INPP5B: variants seen among roughly 807,000 people sequenced by gnomAD.
INPP5B encodes the protein inositol polyphosphate-5-phosphatase B, also known as type II inositol 1,4,5-trisphosphate 5-phosphatase.
A neutral mutation model predicts 118.5 loss-of-function variants in INPP5B; 90 were observed. That is an observed-to-expected ratio of 0.76 (90% CI 0.64 to 0.90). INPP5B has a LOEUF of 0.90. INPP5B is among the 40% of genes least tolerant of loss of function. The pLI, the probability that INPP5B is intolerant of heterozygous loss-of-function variation, is 0.00. For synonymous variants in INPP5B, 385 were observed against 418.9 expected (o/e 0.92, Z 0.99); for missense variants, 984 against 1,125.6 (o/e 0.87, Z 1.80).
chr1:37,926,745 G>C (rs1408388699), intron 7 of INPP5B, among the ~76,000 whole-genome samples: 3 of 152,166 alleles, frequency 2.0e-5, no homozygotes, highest in Admixed American at 1.3e-4. Context: ...TCCAGGTTTT[G>C]CATGTACCCA....
intron 7 of INPP5B, among the ~76,000 whole-genome samples, chr1:37,920,081 A>C (rs1645002432): frequency 6.6e-6 from 1 of 152,186 alleles, no homozygotes; most frequent in Non-Finnish European, 1.5e-5. Flanking sequence ...CACGTTACAG[A>C]CCAGGAGATA....
chr1:37,897,002 C>T (rs1159802302), intron 7 of INPP5B, among the ~76,000 whole-genome samples: 5 of 139,666 alleles, frequency 3.6e-5, no homozygotes, highest in African/African-American at 1.3e-4. Flanking sequence ...GCCCCCCGCC[C>T]GGCCAGCCGC....
rs765375785 is a variant in INPP5B, at chr1:37,931,719, G to A, written c.532+194C>T. On this transcript the variant is annotated intron_variant, in intron 7 of 23. Transcript: ENST00000373024. Reference sequence around the variant, plus strand: ...AGCCGGCGGCGGCAGACATTTCCCTGCCTGCTTCCTCAAGCTCCTCATCCC... The same window carrying A: ...AGCCGGCGGCGGCAGACATTTCCCTACCTGCTTCCTCAAGCTCCTCATCCC... 7.7e-6 allele frequency: 12 copies of A among 1,558,722 alleles called. No homozygotes were observed. In the South Asian group the frequency reaches 1.0e-4, roughly 13 times the overall value.
intron 6 of INPP5B, among the ~76,000 whole-genome samples, chr1:37,932,506 C>G (rs1404243582): frequency 5.9e-5 from 9 of 151,790 alleles, no homozygotes; most frequent in Non-Finnish European, 1.0e-4. Context: ...GTAGCTGGGA[C>G]TACAGGCACG....
chr1:37,876,588 G>A lies in INPP5B; in HGVS notation c.1678-872C>T, dbSNP rs61570683. On this transcript the variant is annotated intron_variant, in intron 16 of 23. Coordinates refer to ENST00000373024, the MANE Select transcript of INPP5B (RefSeq NM_005540.3). ...AAAAAAAAAAAAAAAAAAAGGGCCC[G>A]GTGGCTCACGCCAGTAATCCCAGCA... Among the ~76,000 whole-genome samples the A allele has an allele frequency of 4.8e-3, 691 of 143,148 alleles. 4 individuals are homozygous for A. The highest frequency in any genetic ancestry group is 0.017 in the African/African-American group (643 of 38,752). The allele number at this position is 143,148 out of a possible 152,430, so 93.9% of individuals were successfully genotyped here. A position where few individuals can be genotyped will look rare whatever the true frequency, so the allele number is the denominator to read the frequency against.
At position 37,864,335 on chromosome 1, in the gene INPP5B, T is replaced by C. The variant is rs563265490; in HGVS notation, c.2603A>G (p.Asn868Ser). The C allele has an allele frequency of 3.4e-5, 54 of 1,608,020 alleles. No homozygotes were observed. The East Asian group carries it at 1.1e-3, about 33-fold the overall frequency. The part of the protein sequence containing the change: ...LRELLKNSAK[N>S]HLDENILASI... The stretch of plus-strand genomic sequence containing the variant: ...ACCTAGAATATTCTCATCCAAATGA[T>C]TTTTTGCTGAATTTTTCAGCAGTTC... The change falls in exon 23 of 24, where the codon AAT becomes AGT. Residue 868 changes from asparagine (N) to serine (S), a missense_variant. Transcript: ENST00000373024.
At chr1:37,940,381 A>G (rs1439318105) in intron 6 of INPP5B, among the ~76,000 whole-genome samples, 1 of 152,144 alleles carries the variant, frequency 6.6e-6, no homozygotes, top group Non-Finnish European at 1.5e-5. Flanking sequence ...GGCCGCTTGA[A>G]GCTGCTTAGT....
Position 37,862,055 on chromosome 1 carries a change from A to C in INPP5B, c.*260T>G. ...CGTCTCAAAATAAAAAAAAATAAAA[A>C]ATAAAAAAATCTGTGTTAAATAACT... On this transcript the variant is annotated 3_prime_UTR_variant, in exon 24 of 24. Transcript: ENST00000373024. 2.7e-6 allele frequency: 1 copy of C among 375,358 alleles called. No homozygotes were observed. Among genetic ancestry groups the C allele is most frequent in the Admixed American group, 4.3e-5 (1 of 23,214 alleles). The allele number at this position is 375,358 out of a possible 1,614,324, so 23.3% of individuals were successfully genotyped here. A position where few individuals can be genotyped will look rare whatever the true frequency, so the allele number is the denominator to read the frequency against.
intron 18 of INPP5B, 58 bp from the exon 19 acceptor site, chr1:37,873,223 A>G: frequency 8.2e-7 from 1 of 1,213,360 alleles, no homozygotes; most frequent in South Asian, 1.2e-5. Context: ...GAAAGGGGAA[A>G]GAAGGCAGGA....
At chr1:37,901,064 C>G (rs1644315046) in intron 7 of INPP5B, among the ~76,000 whole-genome samples, 1 of 152,194 alleles carries the variant, frequency 6.6e-6, no homozygotes, top group Non-Finnish European at 1.5e-5. Context: ...CCTGCCTCGG[C>G]CTCTCAAAGT....
intron 6 of INPP5B, among the ~76,000 whole-genome samples, chr1:37,935,291 A>C (rs1278458166): frequency 1.3e-5 from 2 of 148,662 alleles, no homozygotes; most frequent in Admixed American, 1.3e-4. Flanking sequence ...TCCCGGGTTC[A>C]AGCGATTCTC....
intron 21 of INPP5B, 59 bp downstream of exon 21, chr1:37,866,400 T>TCACACACA (rs1192589112): frequency 1.0e-5 from 7 of 686,192 alleles, no homozygotes; most frequent in African/African-American, 7.2e-5. Context: ...TCTCTCTCTC[T>TCACACACA]CTCTCTCACA....
Position 37,932,019 on chromosome 1 carries a change from C to T in INPP5B, c.426G>A (p.Leu142=). The T allele has an allele frequency of 6.2e-7, 1 of 1,603,768 alleles. No homozygotes were observed. The highest frequency in any genetic ancestry group is 8.5e-7 in the Non-Finnish European group (1 of 1,173,568). Residue 142 remains leucine (L), a synonymous_variant, in exon 7 of 24, where the codon CTG becomes CTA. Coordinates refer to ENST00000373024, the MANE Select transcript of INPP5B (RefSeq NM_005540.3). ...FDSATRDPEF[L]WLSRYRCAEL... ...CTGCGCACCTATACCGAGACAGCCA[C>T]AGGAATTCAGGATCCCGGGTCGCAG...
In INPP5B at chr1:37,918,285, G is replaced by A. The variant is rs187235598; in HGVS notation, c.532+13628C>T. Among the ~76,000 whole-genome samples, 5 of 152,200 alleles carry A rather than the reference G, an allele frequency of 3.3e-5. No individual in the cohort carries two copies. In the East Asian group the frequency reaches 7.7e-4, roughly 23 times the overall value. ...TCATCTCTCTGCTCTAAATCTTCCT[G>A]TACAGGTTAAGACCCAAACTGGTTC... On this transcript the variant is annotated intron_variant, in intron 7 of 23. Transcript: ENST00000373024.
intron 23 of INPP5B, 66 bp downstream of exon 23, chr1:37,864,246 A>G: frequency 1.1e-6 from 1 of 886,958 alleles, no homozygotes; most frequent in Non-Finnish European, 1.8e-6. Flanking sequence ...ACCCTCCTCA[A>G]CCTCATTTCT....
chr1:37,897,093 C>T (rs1323402636), intron 7 of INPP5B, among the ~76,000 whole-genome samples: 2 of 150,096 alleles, frequency 1.3e-5, no homozygotes, highest in Non-Finnish European at 1.5e-5. Flanking sequence ...CCAGCCGCCC[C>T]GTCCAGGAGG....
intron 2 of INPP5B, 92 bp from the exon 3 acceptor site, chr1:37,945,942 G>T (rs1646096835): frequency 1.7e-6 from 2 of 1,183,700 alleles, no homozygotes; most frequent in African/African-American, 1.5e-5. Context: ...TGCCCCCCCA[G>T]ATTCACTGTG....
At chr1:37,924,299 G>C (rs1645152055) in intron 7 of INPP5B, among the ~76,000 whole-genome samples, 2 of 151,564 alleles carry the variant, frequency 1.3e-5, no homozygotes, top group Admixed American at 1.3e-4. Context: ...CTCTTGACTA[G>C]CTGGGACTAC....
intron 7 of INPP5B, among the ~76,000 whole-genome samples, chr1:37,914,678 G>A (rs960554504): frequency 2.0e-5 from 3 of 151,904 alleles, no homozygotes; most frequent in Non-Finnish European, 4.4e-5. Flanking sequence ...ACTTTCTCTG[G>A]CCCCCTCCAT....
Sources: allele counts gnomAD v4.1 joint callset (sites outside exome capture counted in the v4.1 genomes callset), GRCh38; gene constraint gnomAD v4.1.1; transcripts MANE v1.5; gene names NCBI Gene and HGNC (gene_info 2026-07-23, HGNC 2026-07-21).